Variants in PRKACB observed in about 807,000 individuals in gnomAD.
PRKACB encodes protein kinase cAMP-activated catalytic subunit beta.
In PRKACB, 16 loss-of-function variants were observed where a neutral mutation model predicts 51.4. The ratio of observed to expected loss-of-function variants is 0.31; its 90% confidence interval spans 0.21 to 0.47. The LOEUF is 0.47. Ranked by LOEUF, PRKACB falls within the 20% of genes least tolerant of loss-of-function variation. The pLI is 1.00. For missense variants in PRKACB, 309 were observed against 464.5 expected (o/e 0.67, Z 3.08); for synonymous variants, 147 against 154.4 (o/e 0.95, Z 0.35).
intron 1 of PRKACB, among the ~76,000 whole-genome samples, chr1:84,100,926 G>T (rs558564029): frequency 1.3e-5 from 2 of 152,272 alleles, no homozygotes; most frequent in South Asian, 4.2e-4. Context: ...CCCAAACAGT[G>T]ACTCTAGAGT....
chr1:84,121,279 C>T (rs1651042182), intron 1 of PRKACB, among the ~76,000 whole-genome samples: 1 of 151,630 alleles, frequency 6.6e-6, no homozygotes, highest in Admixed American at 6.6e-5. Context: ...TCTTTATAAT[C>T]TCTTTCATAT....
At chr1:84,189,384 C>G (rs960043468) in intron 5 of PRKACB, among the ~76,000 whole-genome samples, 3 of 150,998 alleles carry the variant, frequency 2.0e-5, no homozygotes, top group African/African-American at 7.3e-5. Flanking sequence ...TCAAATTATA[C>G]TGAAAGAAAA....
chr1:84,184,002 A>G lies in PRKACB; in HGVS notation c.379-35A>G, dbSNP rs781100276. ...AAATGATAACTTTTTAATTTTGCTT[A>G]AATACATTAAGAGATATTTATCTCT... On this transcript the variant is annotated intron_variant, in intron 3 of 9. Transcript: ENST00000370685. 8.6e-6 allele frequency: 13 copies of G among 1,506,764 alleles called. No homozygotes were observed. The South Asian group carries it at 1.4e-4, about 16-fold the overall frequency. 93.3% of individuals were successfully genotyped at this position (1,506,764 alleles called of 1,614,324 possible).
chr1:84,132,144 G>GA (rs1239398537), intron 1 of PRKACB, among the ~76,000 whole-genome samples: 10 of 152,124 alleles, frequency 6.6e-5, no homozygotes, highest in Admixed American at 1.3e-4. Flanking sequence ...ACAGCTCAGA[G>GA]AAAATAGGCA....
At chr1:84,164,266 C>T (rs913133687) in intron 1 of PRKACB, 88 of 1,469,106 alleles carry the variant, frequency 6.0e-5, no homozygotes, top group Admixed American at 1.2e-4. Context: ...TCAGCGATCT[C>T]GGCAATAAGA....
chr1:84,110,010 T>C (rs924692937), intron 1 of PRKACB, among the ~76,000 whole-genome samples: 4 of 151,946 alleles, frequency 2.6e-5, no homozygotes, highest in Non-Finnish European at 5.9e-5. Flanking sequence ...ACTCATACTT[T>C]CAGCTTTTTC....
intron 1 of PRKACB, among the ~76,000 whole-genome samples, chr1:84,095,879 C>T (rs1648889168): frequency 6.6e-6 from 1 of 151,726 alleles, no homozygotes; most frequent in African/African-American, 2.4e-5. Flanking sequence ...TATTTTTGTA[C>T]AAATTAATCA....
In PRKACB at chr1:84,191,955, C is replaced by CTA. The variant is rs1280111634; in HGVS notation, c.561-4660_561-4659dup. Among the ~76,000 whole-genome samples, 11 of 152,126 alleles carry CTA rather than the reference C, an allele frequency of 7.2e-5. No homozygotes were observed. The South Asian group carries it at 2.1e-3, about 29-fold the overall frequency. ...CCAAATAGAATTCTTTAAGGGATTT[C>CTA]TAGACAACTATGTCAGATATTATTA... On this transcript the variant is annotated intron_variant, in intron 5 of 9. Coordinates refer to ENST00000370685, the MANE Select transcript of PRKACB (RefSeq NM_182948.4).
chr1:84,132,284 T>C (rs371405838), intron 1 of PRKACB, among the ~76,000 whole-genome samples: 1 of 42,892 alleles, frequency 2.3e-5, no homozygotes, highest in Non-Finnish European at 7.5e-5. Flanking sequence ...GAATGGACTC[T>C]TTTTCTGAGG....
chr1:84,094,464 A>G (rs142024646), intron 1 of PRKACB, among the ~76,000 whole-genome samples: 1 of 151,920 alleles, frequency 6.6e-6, no homozygotes. Flanking sequence ...TTTTCTTTTT[A>G]TCATTATTCC....
chr1:84,117,428 C>T lies in PRKACB; in HGVS notation c.46+39057C>T, dbSNP rs534398148. Among the ~76,000 whole-genome samples the T allele has an allele frequency of 6.6e-5, 10 of 152,076 alleles. No homozygotes were observed. The East Asian group carries it at 1.9e-3, about 29-fold the overall frequency. ...AGAATTCGGCTGTAAATCCATCCAG[C>T]CTTTGTCTTTTCTTTATTGAGATAC... is the stretch of plus-strand genomic sequence containing the variant. On this transcript the variant is annotated intron_variant, in intron 1 of 8. Coordinates refer to the PRKACB transcript ENST00000370688.
At chr1:84,115,794 A>G (rs1351232142) in intron 1 of PRKACB, among the ~76,000 whole-genome samples, 1 of 147,894 alleles carries the variant, frequency 6.8e-6, no homozygotes, top group African/African-American at 2.5e-5. Context: ...AGGCAGGACA[A>G]TCTCTTGAAC....
rs1450934006 is a variant in PRKACB at position 84,183,140 on chromosome 1, C to CT, written c.378+813dup. Among the ~76,000 whole-genome samples, 8 of 152,012 alleles carry CT rather than the reference C, an allele frequency of 5.3e-5. 1 individual carries two copies. The highest frequency in any genetic ancestry group is 3.2e-3 in the Middle Eastern group (1 of 316). ...ATATTTAACTTCTTGACTTCTGTGA[C>CT]TATCCTCACATTGACCATTAGACTC... On this transcript the variant is annotated intron_variant, in intron 3 of 9. Coordinates refer to ENST00000370685, the MANE Select transcript of PRKACB (RefSeq NM_182948.4).
At chr1:84,207,303 G>A (rs1447061659) in intron 8 of PRKACB, among the ~76,000 whole-genome samples, 1 of 152,118 alleles carries the variant, frequency 6.6e-6, no homozygotes, top group African/African-American at 2.4e-5. Context: ...TTCTGCATAG[G>A]TAAGGGAACA....
chr1:84,223,484 T>A (rs1674079446), intron 9 of PRKACB, among the ~76,000 whole-genome samples: 1 of 151,140 alleles, frequency 6.6e-6, no homozygotes, highest in South Asian at 2.1e-4. Flanking sequence ...TTCTCCTGCC[T>A]CAGCCTCCTG....
intron 1 of PRKACB, among the ~76,000 whole-genome samples, chr1:84,088,564 C>T (rs1286918972): frequency 6.6e-6 from 1 of 152,154 alleles, no homozygotes; most frequent in Non-Finnish European, 1.5e-5. Flanking sequence ...GCTAGCTCTA[C>T]TGGTAACTTA....
chr1:84,104,373 C>T lies in PRKACB; in HGVS notation c.46+26002C>T, dbSNP rs1449584712. ...ATACATATATATACACTTTCTTTTT[C>T]TGTTAATCTGTTGATAGATGTTTAG... On this transcript the variant is annotated intron_variant, in intron 1 of 8. Transcript: ENST00000370688. Among the ~76,000 whole-genome samples, 3 of 151,996 alleles carry T rather than the reference C, an allele frequency of 2.0e-5. No homozygotes were observed. In the East Asian group the frequency reaches 5.8e-4, roughly 29 times the overall value.
chr1:84,142,196 A>G (rs1276531956), upstream of PRKACB, among the ~76,000 whole-genome samples: 1 of 152,162 alleles, frequency 6.6e-6, no homozygotes, highest in Non-Finnish European at 1.5e-5. Flanking sequence ...AGTAACTCAC[A>G]ATTTAGGGTC....
intron 9 of PRKACB, among the ~76,000 whole-genome samples, chr1:84,217,690 G>A (rs1204145455): frequency 1.3e-5 from 2 of 152,206 alleles, no homozygotes; most frequent in African/African-American, 2.4e-5. Context: ...CTACCCTGGA[G>A]GCTGAGGCAG....
Sources: gnomAD v4.1 joint callset for allele counts (sites outside exome capture counted in the v4.1 genomes callset) on GRCh38, gnomAD v4.1.1 for gene constraint, MANE v1.5 for transcripts, NCBI Gene and HGNC (gene_info 2026-07-23, HGNC 2026-07-21) for gene names.